Variants in TMEM272 observed in about 807,000 individuals in gnomAD.
TMEM272 encodes long intergenic non-protein coding RNA 282.
A neutral mutation model predicts 3.7 loss-of-function variants in TMEM272; 8 were observed. The observed-to-expected ratio is 2.17, with a 90% CI of 1.27 to 3.91. The LOEUF is 3.91. TMEM272 is among the 30% of genes most tolerant of loss of function. TMEM272 has a pLI of 0.00. For missense variants in TMEM272, 166 were observed against 91.5 expected (o/e 1.81, Z -3.32); for synonymous variants, 63 against 39.8 (o/e 1.58, Z -2.20).
the TMEM272 span, among the ~76,000 whole-genome samples, chr13:51,901,489 T>C: frequency 2.3e-5 from 3 of 132,752 alleles, no homozygotes. Context: ...GAACAGGTAC[T>C]TCTGGAAATT....
the TMEM272 span, among the ~76,000 whole-genome samples, chr13:51,920,828 CT>C: frequency 1.3e-5 from 2 of 152,174 alleles, no homozygotes; most frequent in Non-Finnish European, 2.9e-5. Context: ...CGTTTCTTGG[CT>C]GTAGATCCCT....
the TMEM272 span, among the ~76,000 whole-genome samples, chr13:51,918,430 T>C: frequency 1.3e-5 from 2 of 152,310 alleles, no homozygotes; most frequent in South Asian, 4.1e-4. Context: ...GGATTTACTT[T>C]AAATTACTTC....
chr13:51,845,073 G>A lies in TMEM272; in HGVS notation c.-81C>T, dbSNP rs558659126. 6.6e-6 allele frequency: 1 copy of A among 152,370 alleles called. No homozygotes were observed. The highest frequency in any genetic ancestry group is 1.9e-4 in the East Asian group (1 of 5,174). The allele number at this position is 152,370 out of a possible 1,614,324, so 9.4% of individuals were successfully genotyped here. On this transcript the variant is annotated 5_prime_UTR_variant, in exon 1 of 5. Coordinates refer to ENST00000629372, the MANE Select transcript of TMEM272 (RefSeq NM_001351003.2). The stretch of plus-strand genomic sequence containing the variant: ...CAGCACTCAGCACCTCTGTGGTCCC[G>A]AAGTCCAGGGCTGCCTCTGTGGGGC...
chr13:51,887,580 T>G, the TMEM272 span, among the ~76,000 whole-genome samples: 1 of 152,248 alleles, frequency 6.6e-6, no homozygotes, highest in Non-Finnish European at 1.5e-5. Context: ...ATGTTTCTGC[T>G]GTGAAAGTCC....
chr13:51,881,657 G>A, the TMEM272 span, among the ~76,000 whole-genome samples: 1 of 152,082 alleles, frequency 6.6e-6, no homozygotes, highest in Admixed American at 6.5e-5. Context: ...TCATGAGGAT[G>A]GAGCCCTCAT....
the TMEM272 span, among the ~76,000 whole-genome samples, chr13:51,897,307 T>C: frequency 6.6e-6 from 1 of 150,582 alleles, no homozygotes; most frequent in African/African-American, 2.4e-5. Flanking sequence ...GCAACCATCC[T>C]ATCTCAGCCT....
At chr13:51,827,132 C>T (rs999824693) in intron 2 of TMEM272, among the ~76,000 whole-genome samples, 66 of 152,198 alleles carry the variant, frequency 4.3e-4, no homozygotes, top group Admixed American at 2.0e-4. Flanking sequence ...TTCCACAGCC[C>T]ATGACATTAG....
chr13:51,883,303 G>A, the TMEM272 span, among the ~76,000 whole-genome samples: 1 of 152,226 alleles, frequency 6.6e-6, no homozygotes, highest in Non-Finnish European at 1.5e-5. Flanking sequence ...GTATGTTACA[G>A]CTTTTTTCCC....
the TMEM272 span, among the ~76,000 whole-genome samples, chr13:51,869,386 G>C: frequency 6.6e-6 from 1 of 152,046 alleles, no homozygotes; most frequent in Non-Finnish European, 1.5e-5. Context: ...CCTTTAAACG[G>C]TATCAATGGG....
intron 2 of TMEM272, among the ~76,000 whole-genome samples, chr13:51,836,833 A>G (rs959360557): frequency 2.0e-5 from 3 of 152,136 alleles, no homozygotes; most frequent in Non-Finnish European, 2.9e-5. Flanking sequence ...TGGTGTTCCT[A>G]GGAAACCTAA....
chr13:51,852,625 A>G, the TMEM272 span, among the ~76,000 whole-genome samples: 1 of 152,154 alleles, frequency 6.6e-6, no homozygotes, highest in Non-Finnish European at 1.5e-5. Flanking sequence ...CAAGCCTGTA[A>G]TCCCAGGACT....
At chr13:51,875,700 G>A in the TMEM272 span, among the ~76,000 whole-genome samples, 2 of 152,274 alleles carry the variant, frequency 1.3e-5, no homozygotes, top group South Asian at 2.1e-4. Flanking sequence ...ACAGAACTGG[G>A]AAGAAAAGAA....
the TMEM272 span, among the ~76,000 whole-genome samples, chr13:51,868,396 G>C: frequency 0.016 from 2,410 of 152,346 alleles, 63 homozygotes; most frequent in African/African-American, 0.055. Flanking sequence ...GATGCACAGA[G>C]ATGAATGAAA....
the TMEM272 span, chr13:51,866,043 G>A: frequency 6.3e-7 from 1 of 1,598,560 alleles, no homozygotes; most frequent in Non-Finnish European, 8.5e-7. Flanking sequence ...GCCAACAGAG[G>A]GCAGCGCTTG....
chr13:51,922,496 G>T, the TMEM272 span, among the ~76,000 whole-genome samples: 1 of 152,176 alleles, frequency 6.6e-6, no homozygotes, highest in Non-Finnish European at 1.5e-5. Flanking sequence ...GCACAGTGGT[G>T]TGATCACAGC....
At chr13:51,852,468 C>T in the TMEM272 span, among the ~76,000 whole-genome samples, 2 of 152,190 alleles carry the variant, frequency 1.3e-5, no homozygotes, top group African/African-American at 4.8e-5. Context: ...GCTGGTGTGG[C>T]TAGAAACAGT....
At chr13:51,873,825 T>A in the TMEM272 span, among the ~76,000 whole-genome samples, 1 of 152,226 alleles carries the variant, frequency 6.6e-6, no homozygotes, top group Non-Finnish European at 1.5e-5. Context: ...TCACCCATCT[T>A]CTAGCAGACT....
the TMEM272 span, among the ~76,000 whole-genome samples, chr13:51,860,739 G>GTA: frequency 8.5e-5 from 10 of 118,260 alleles, no homozygotes; most frequent in South Asian, 1.5e-3. Context: ...ATGTGTGTGT[G>GTA]TATATATATA....
Position 51,826,578 on chromosome 13 carries a change from T to G in TMEM272, c.106A>C (p.Met36Leu). 1 of 702,580 alleles carries G rather than the reference T, an allele frequency of 1.4e-6. No homozygotes were observed. The highest frequency in any genetic ancestry group is 1.5e-5 in the South Asian group (1 of 67,600). The allele number at this position is 702,580 out of a possible 1,614,324, so 43.5% of individuals were successfully genotyped here. A position where few individuals can be genotyped will look rare whatever the true frequency, so the allele number is the denominator to read the frequency against. Residue 36 changes from methionine to leucine, a missense_variant, in exon 3 of 5, where the codon ATG becomes CTG. By Grantham distance (15) the Met-to-Leu change is conservative. Transcript: ENST00000629372. ...LCAFLALPLS[M>L]TFIGMKFLED... is the part of the protein sequence containing the mutation. ...GAAGGCAGCTTACCTATGAAGGTCATGGACAGCGGCAGAGCCAGGAAAGCA... is the reference window on the plus strand; with the variant it reads ...GAAGGCAGCTTACCTATGAAGGTCAGGGACAGCGGCAGAGCCAGGAAAGCA...
Sources: gnomAD v4.1 joint callset for allele counts (sites outside exome capture counted in the v4.1 genomes callset) on GRCh38, gnomAD v4.1.1 for gene constraint, MANE v1.5 for transcripts, NCBI Gene and HGNC (gene_info 2026-07-23, HGNC 2026-07-21) for gene names.